The following STRIP2 variants were observed in gnomAD, a reference collection of about 807,000 sequenced individuals.
STRIP2 encodes striatin interacting protein 2, also known as striatin-interacting protein 2.
STRIP2 carries 84 observed loss-of-function variants against 107.1 expected under a neutral mutation model. The ratio of observed to expected loss-of-function variants is 0.78; its 90% CI spans 0.66 to 0.94. STRIP2 has a LOEUF of 0.94. STRIP2 is among the 40% of genes least tolerant of loss of function. STRIP2 has a pLI of 0.00. For synonymous variants in STRIP2, 394 were observed against 400.4 expected, an observed-to-expected ratio of 0.98 and a Z score of 0.19; for missense variants, 888 against 1,034.2, an observed-to-expected ratio of 0.86 and a Z score of 1.94.
rs559596332 is a variant in STRIP2 at position 129,460,518 on chromosome 7, T to C, written c.1476+146T>C. 3 of 699,192 alleles carry C rather than the reference T, an allele frequency of 4.3e-6. No homozygotes were observed. The African/African-American group carries it at 5.4e-5, about 13-fold the overall frequency. The allele number at this position is 699,192 out of a possible 1,614,324, so 43.3% of individuals were successfully genotyped here. A position where few individuals can be genotyped will look rare whatever the true frequency, so the allele number is the denominator to read the frequency against. On this transcript the variant is annotated intron_variant, in intron 13 of 20. Transcript: ENST00000249344. ...ACAAGGTCCCTACTTTCATGATATA[T>C]TGAAGTTGGGGAAGAAAGATAAAAA...
chr7:129,435,472 A>C (rs1467903253), intron 1 of STRIP2, among the ~76,000 whole-genome samples: 2 of 152,162 alleles, frequency 1.3e-5, no homozygotes, highest in Non-Finnish European at 2.9e-5. Flanking sequence ...ACCTAAAAAA[A>C]AGAGGAGTGA....
At chr7:129,480,989 T>C (rs1799102674) in intron 19 of STRIP2, 100 bp downstream of exon 19, 1 of 805,974 alleles carries the variant, frequency 1.2e-6, no homozygotes, top group Non-Finnish European at 2.0e-6. Flanking sequence ...GATCTCCGTA[T>C]ATAGACACTG....
chr7:129,460,562 C>A, intron 13 of STRIP2, 190 bp downstream of exon 13: 1 of 589,810 alleles, frequency 1.7e-6, no homozygotes, highest in Non-Finnish European at 3.0e-6. Context: ...TTAAGTAAAC[C>A]AAACTATCAG....
At chr7:129,454,626 GTTTTC>G in intron 7 of STRIP2, 99 bp downstream of exon 7, 1 of 750,758 alleles carries the variant, frequency 1.3e-6, no homozygotes, top group Admixed American at 2.4e-5. Context: ...TTTTTCTTTT[GTTTTC>G]TTTTTTAAAA....
Position 129,455,353 on chromosome 7 carries a change from G to T in STRIP2, c.816G>T (p.Leu272=), listed in dbSNP as rs142679514. The T allele has an allele frequency of 3.2e-4, 511 of 1,613,228 alleles. 1 individual carries two copies. In the Middle Eastern group the frequency reaches 8.4e-3, roughly 27 times the overall value. The stretch of plus-strand genomic sequence containing the variant: ...TCCCCATAAAGAAGGTCCTGCTCCT[G>T]CTCTGGAAGGTGGTCATGGTGAGTA... ...PHFPIKKVLL[L]LWKVVMFTLG... Residue 272 remains leucine, a synonymous_variant, in exon 8 of 21, where the codon CTG becomes CTT. Coordinates refer to ENST00000249344, the MANE Select transcript of STRIP2 (RefSeq NM_020704.3).
chr7:129,462,416 C>T (rs917218660), intron 13 of STRIP2, among the ~76,000 whole-genome samples: 4 of 152,182 alleles, frequency 2.6e-5, no homozygotes, highest in East Asian at 1.9e-4. Context: ...AGACCCCAGC[C>T]TCCCCACTCT....
intron 16 of STRIP2, among the ~76,000 whole-genome samples, chr7:129,465,882 T>C (rs1798659633): frequency 6.6e-6 from 1 of 152,194 alleles, no homozygotes; most frequent in Non-Finnish European, 1.5e-5. Context: ...AGAATCAAGC[T>C]TGCTGGTAGA....
chr7:129,459,412 ATGT>A lies in STRIP2; in HGVS notation c.1341-99_1341-97del, dbSNP rs1210167653. On this transcript the variant is annotated intron_variant, in intron 11 of 20. Transcript: ENST00000249344. ...GGAAGGTCTAGGGTACTGGGGGTAGATGTTGTTGAAAGTAGCATGGTCTGTTGA... is the reference window on the plus strand; with the variant it reads ...GGAAGGTCTAGGGTACTGGGGGTAGATGTTGAAAGTAGCATGGTCTGTTGA... The A allele has an allele frequency of 1.8e-5, 17 of 936,222 alleles. No individual in the cohort carries two copies. In the East Asian group the frequency reaches 3.1e-4, roughly 17 times the overall value. The allele number at this position is 936,222 out of a possible 1,614,324, so 58.0% of individuals were successfully genotyped here.
rs541253494 is a variant in STRIP2 at position 129,468,701 on chromosome 7, T to G, written c.1877+1251T>G. 2.0e-4 allele frequency among the ~76,000 whole-genome samples: 31 copies of G among 152,286 alleles called. No individual in the cohort carries two copies. The East Asian group carries it at 5.8e-3, about 28-fold the overall frequency. Reference sequence around the variant, plus strand: ...GGTCAGGCTGTGTCAGGGCCACAACTGCATGCAGGCACCTCTGTGTATCAG... The same window carrying G: ...GGTCAGGCTGTGTCAGGGCCACAACGGCATGCAGGCACCTCTGTGTATCAG... On this transcript the variant is annotated intron_variant, in intron 17 of 20. Transcript: ENST00000249344.
In STRIP2 at chr7:129,456,582, G is replaced by T. The variant is rs749357569; in HGVS notation, c.978G>T (p.Leu326=). The part of the protein sequence containing the change: ...AASPPSYTLD[L]GESQLAPPPS... The stretch of plus-strand genomic sequence containing the variant: ...CCCCGCCCTCTTACACTCTTGACCT[G>T]GGAGAGTCTCAGCTGGCACCCCCAC... Residue 326 remains leucine (L), a synonymous_variant, in exon 9 of 21, where the codon CTG becomes CTT. Coordinates refer to ENST00000249344, the MANE Select transcript of STRIP2 (RefSeq NM_020704.3). The T allele has an allele frequency of 4.0e-5, 64 of 1,614,034 alleles. 1 individual carries two copies. The South Asian group carries it at 6.9e-4, about 17-fold the overall frequency.
At chr7:129,460,008 G>A (rs998801140) in intron 12 of STRIP2, among the ~76,000 whole-genome samples, 1 of 152,052 alleles carries the variant, frequency 6.6e-6, no homozygotes, top group African/African-American at 2.4e-5. Context: ...CAGGGGCAGG[G>A]GCCTGTTTCT....
chr7:129,477,067 C>A (rs1046710419), intron 18 of STRIP2, among the ~76,000 whole-genome samples: 3 of 151,288 alleles, frequency 2.0e-5, no homozygotes, highest in African/African-American at 4.9e-5. Flanking sequence ...CGCAGGCACT[C>A]GGCAGGCTGA....
intron 9 of STRIP2, among the ~76,000 whole-genome samples, chr7:129,457,111 A>T (rs1028307064): frequency 6.6e-6 from 1 of 152,202 alleles, no homozygotes; most frequent in Non-Finnish European, 1.5e-5. Context: ...TTAAGAGATG[A>T]CTGGGTAGGG....
In STRIP2 at chr7:129,453,088, C is replaced by A. The variant is rs1390297454; in HGVS notation, c.410-139C>A. 4 of 1,244,306 alleles carry A rather than the reference C, an allele frequency of 3.2e-6. No homozygotes were observed. In the African/African-American group the frequency reaches 6.0e-5, roughly 19 times the overall value. The allele number at this position is 1,244,306 out of a possible 1,614,324, so 77.1% of individuals were successfully genotyped here. ...CTCCCCTGACTCATTCCAGGAAGTT[C>A]TTGGGGCCCCTGTCATACCTATGTC... On this transcript the variant is annotated intron_variant, in intron 4 of 20. Transcript: ENST00000249344.
intron 3 of STRIP2, among the ~76,000 whole-genome samples, chr7:129,445,667 T>G (rs570716363): frequency 9.0e-4 from 137 of 152,298 alleles, no homozygotes; most frequent in African/African-American, 3.2e-3. Flanking sequence ...ATTGTAATTG[T>G]GACTTCAAAA....
Position 129,444,010 on chromosome 7 carries a change from C to G in STRIP2, c.200-14C>G. On this transcript the variant is annotated splice_polypyrimidine_tract_variant and intron_variant, in intron 2 of 20. Transcript: ENST00000249344. ...GATCTCCCGAATGTGACTGTTCTGT[C>G]TTTCCTGCCACAGAATTGTATAGTT... 1 of 1,608,602 alleles carries G rather than the reference C, an allele frequency of 6.2e-7. No homozygotes were observed. The highest frequency in any genetic ancestry group is 1.1e-5 in the South Asian group (1 of 90,924).
chr7:129,475,476 G>A (rs1230532863), intron 18 of STRIP2, among the ~76,000 whole-genome samples: 2 of 150,122 alleles, frequency 1.3e-5, no homozygotes, highest in African/African-American at 4.9e-5. Context: ...TTTCTAGGCA[G>A]AGGACCCTGG....
At chr7:129,452,564 G>A (rs1214602504) in intron 4 of STRIP2, among the ~76,000 whole-genome samples, 1 of 152,152 alleles carries the variant, frequency 6.6e-6, no homozygotes. Context: ...ATTTATCTAA[G>A]TTTTTTAAAA....
chr7:129,483,124 C>T lies in STRIP2; in HGVS notation c.2254+78C>T. The T allele has an allele frequency of 6.6e-7, 1 of 1,526,486 alleles. No individual in the cohort carries two copies. The highest frequency in any genetic ancestry group is 8.8e-7 in the Non-Finnish European group (1 of 1,134,988). The allele number at this position is 1,526,486 out of a possible 1,614,324, so 94.6% of individuals were successfully genotyped here. A position where few individuals can be genotyped will look rare whatever the true frequency, so the allele number is the denominator to read the frequency against. On this transcript the variant is annotated intron_variant, in intron 20 of 20. Transcript: ENST00000249344. The surrounding 1 kb of genome is among the most constrained non-coding windows in gnomAD (Gnocchi z 5.1). ...AACTAAATAAATATTTATCACTCCT[C>T]TTTTGGCATGAATTGTTACATATTT...
Sources: gnomAD v4.1 joint callset for allele counts (sites outside exome capture counted in the v4.1 genomes callset) on GRCh38, gnomAD v4.1.1 for gene constraint, Gnocchi (gnomAD v3.1) non-coding constraint, MANE v1.5 for transcripts, NCBI Gene and HGNC (gene_info 2026-07-23, HGNC 2026-07-21) for gene names.